ELOVL4: variants seen among roughly 807,000 people sequenced by gnomAD.
The protein encoded by ELOVL4 is very long chain fatty acid elongase 4.
ELOVL4 carries 18 observed loss-of-function variants against 42.1 expected under a neutral mutation model. The observed-to-expected ratio is 0.43, with a 90% CI of 0.30 to 0.63. ELOVL4 has a LOEUF of 0.63. ELOVL4 is among the 30% of genes least tolerant of loss of function. The pLI is 0.15. For missense variants in ELOVL4, 299 were observed against 376.2 expected, an observed-to-expected ratio of 0.79 and a Z score of 1.70; for synonymous variants, 117 against 127.0, an observed-to-expected ratio of 0.92 and a Z score of 0.53.
chr6:79,947,091 C>T (rs1029504884), intron 1 of ELOVL4, 89 bp downstream of exon 1: 55 of 1,099,926 alleles, frequency 5.0e-5, no homozygotes, highest in Non-Finnish European at 2.7e-6. Flanking sequence ...GCGCGGGGGC[C>T]TGTGGGGCCG....
chr6:79,944,987 CAA>C (rs200726708), intron 1 of ELOVL4, among the ~76,000 whole-genome samples: 13,790 of 92,050 alleles, frequency 0.15, 483 homozygotes, highest in Non-Finnish European at 0.22. Context: ...TGAATGAGTC[CAA>C]AAAAAAAAAA....
rs542126507 is a variant in ELOVL4, at chr6:79,921,562, T to C, written c.541+63A>G. Reference sequence around the variant, plus strand: ...ATCAAGTCAAAGTCCTAGGTTCTCATTGCTTTCCACTGAACACATATATGC... The same window carrying C: ...ATCAAGTCAAAGTCCTAGGTTCTCACTGCTTTCCACTGAACACATATATGC... On this transcript the variant is annotated intron_variant, in intron 4 of 5. Transcript: ENST00000369816. The C allele has an allele frequency of 2.9e-5, 43 of 1,468,248 alleles. No homozygotes were observed. The South Asian group carries it at 4.1e-4, about 14-fold the overall frequency. The allele number at this position is 1,468,248 out of a possible 1,614,324, so 91.0% of individuals were successfully genotyped here. A position where few individuals can be genotyped will look rare whatever the true frequency, so the allele number is the denominator to read the frequency against.
At chr6:79,917,214 T>C (rs926973857) in intron 5 of ELOVL4, among the ~76,000 whole-genome samples, 1 of 152,158 alleles carries the variant, frequency 6.6e-6, no homozygotes, top group African/African-American at 2.4e-5. Flanking sequence ...CACTAGAAAA[T>C]GACTCTAGAA....
chr6:79,934,260 G>A (rs1294391425), intron 1 of ELOVL4, among the ~76,000 whole-genome samples: 2 of 152,102 alleles, frequency 1.3e-5, no homozygotes, highest in Admixed American at 1.3e-4. Context: ...AGATGAGTGG[G>A]TGAAATGGCA....
chr6:79,922,198 C>G (rs948943359), intron 3 of ELOVL4, among the ~76,000 whole-genome samples: 3 of 152,148 alleles, frequency 2.0e-5, no homozygotes, highest in African/African-American at 7.2e-5. Context: ...CTCAGAAAAA[C>G]TTGCAAGTAA....
At chr6:79,930,716 A>G (rs764828337) in intron 1 of ELOVL4, among the ~76,000 whole-genome samples, 11 of 152,182 alleles carry the variant, frequency 7.2e-5, no homozygotes, top group Non-Finnish European at 1.6e-4. Flanking sequence ...CTAATGCTTC[A>G]TGTATTTTAT....
intron 1 of ELOVL4, among the ~76,000 whole-genome samples, chr6:79,928,522 G>A (rs1171420368): frequency 6.6e-6 from 1 of 152,040 alleles, no homozygotes; most frequent in East Asian, 1.9e-4. Context: ...GTGGTATGCT[G>A]TATCGTTTTC....
intron 1 of ELOVL4, among the ~76,000 whole-genome samples, chr6:79,941,151 A>T (rs1188087138): frequency 6.6e-6 from 1 of 152,226 alleles, no homozygotes; most frequent in African/African-American, 2.4e-5. Context: ...TACCTATTCC[A>T]AGAATAAAGA....
At chr6:79,937,412 A>T (rs1456985835) in intron 1 of ELOVL4, among the ~76,000 whole-genome samples, 1 of 152,206 alleles carries the variant, frequency 6.6e-6, no homozygotes, top group Non-Finnish European at 1.5e-5. Context: ...GACAGTTAAC[A>T]CAGATGAGAG....
At chr6:79,929,108 G>T (rs555337881) in intron 1 of ELOVL4, among the ~76,000 whole-genome samples, 1 of 140,338 alleles carries the variant, frequency 7.1e-6, no homozygotes, top group Non-Finnish European at 1.5e-5. Context: ...TGGATGGGAA[G>T]TAGGTGAACC....
At chr6:79,931,252 T>C (rs1337461014) in intron 1 of ELOVL4, among the ~76,000 whole-genome samples, 1 of 152,176 alleles carries the variant, frequency 6.6e-6, no homozygotes, top group African/African-American at 2.4e-5. Context: ...TTTGAGCCTA[T>C]TAACCATTTT....
chr6:79,919,307 A>G (rs1380477368), intron 5 of ELOVL4, 113 bp downstream of exon 5: 1 of 1,250,656 alleles, frequency 8.0e-7, no homozygotes, highest in Non-Finnish European at 1.2e-6. Flanking sequence ...GCTGGAGGAT[A>G]AAGTTAATTT....
At chr6:79,930,000 C>T (rs346365) in intron 1 of ELOVL4, among the ~76,000 whole-genome samples, 10,868 of 152,190 alleles carry the variant, frequency 0.071, 1,262 homozygotes, top group African/African-American at 0.25. Context: ...TCCAAAAGCA[C>T]ATTTGTTGAT....
intron 2 of ELOVL4, 109 bp downstream of exon 2, chr6:79,926,085 T>C (rs920215376): frequency 2.1e-6 from 2 of 943,294 alleles, no homozygotes; most frequent in Non-Finnish European, 3.2e-6. Context: ...ACTTTTAGAG[T>C]AGCTAACAGT....
At chr6:79,946,820 A>C (rs1036373836) in intron 1 of ELOVL4, among the ~76,000 whole-genome samples, 6 of 152,254 alleles carry the variant, frequency 3.9e-5, no homozygotes, top group African/African-American at 1.4e-4. Flanking sequence ...AATCCTGTGC[A>C]CGGGGAAGAG....
intron 1 of ELOVL4, among the ~76,000 whole-genome samples, chr6:79,937,558 T>C (rs1441686692): frequency 6.6e-6 from 1 of 152,068 alleles, no homozygotes; most frequent in Non-Finnish European, 1.5e-5. Flanking sequence ...CCGAGCCCAA[T>C]GGAATATGAG....
rs781164625 is a variant in ELOVL4 at position 79,926,281 on chromosome 6, C to T, written c.201G>A (p.Met67Ile). 1.2e-6 allele frequency: 2 copies of T among 1,613,946 alleles called. No individual in the cohort carries two copies. The highest frequency in any genetic ancestry group is 2.2e-5 in the South Asian group (2 of 91,068). Residue 67 changes from methionine (M) to isoleucine (I), a missense_variant, in exon 2 of 6, where the codon ATG (methionine) becomes ATA (isoleucine). Transcript: ENST00000369816. The part of the protein sequence containing the change: ...LLFVWLGPKW[M>I]KDREPFQMRL... ...GCATCTGAAAAGGTTCTCGGTCCTT[C>T]ATCCATTTTGGACCCAGCCACACAA...
intron 3 of ELOVL4, 51 bp from the exon 4 acceptor site, chr6:79,921,847 G>T: frequency 6.5e-7 from 1 of 1,541,914 alleles, no homozygotes; most frequent in Non-Finnish European, 9.0e-7. Flanking sequence ...CTATTGTATG[G>T]GTTTATACTC....
chr6:79,940,922 T>A (rs928085571), intron 1 of ELOVL4, among the ~76,000 whole-genome samples: 1 of 152,074 alleles, frequency 6.6e-6, no homozygotes, highest in Non-Finnish European at 1.5e-5. Context: ...CAATGTTATT[T>A]CAAAACAGAC....
Sources: gnomAD v4.1 joint callset for allele counts (sites outside exome capture counted in the v4.1 genomes callset) on GRCh38, gnomAD v4.1.1 for gene constraint, MANE v1.5 for transcripts, NCBI Gene and HGNC (gene_info 2026-07-23, HGNC 2026-07-21) for gene names.